The following PPARG variants were observed in gnomAD, a reference collection of about 807,000 sequenced individuals.
PPARG encodes peroxisome proliferator-activated receptor gamma.
Under a neutral mutation model 39.2 loss-of-function variants are expected in PPARG, and 17 were observed. That is an observed-to-expected ratio of 0.43 (90% CI 0.30 to 0.65). The LOEUF is 0.65. Among genes scored for constraint, PPARG ranks in the 30% least tolerant of loss-of-function variants. PPARG has a pLI of 0.13. For missense variants in PPARG, 406 were observed against 585.9 expected (o/e 0.69, Z 3.17); for synonymous variants, 223 against 215.7 (o/e 1.03, Z -0.30).
intron 2 of PPARG, among the ~76,000 whole-genome samples, chr3:12,368,790 A>C (rs985718975): frequency 3.9e-5 from 6 of 152,208 alleles, no homozygotes; most frequent in African/African-American, 1.4e-4. Context: ...AAAAGAAGTG[A>C]GTTGGTAGAA....
In PPARG at chr3:12,305,240, T is replaced by G. The variant is rs376957001; in HGVS notation, c.-82-7140T>G. 1.2e-4 allele frequency among the ~76,000 whole-genome samples: 19 copies of G among 152,212 alleles called. No homozygotes were observed. In the East Asian group the frequency reaches 2.1e-3, roughly 17 times the overall value. On this transcript the variant is annotated intron_variant, in intron 1 of 7. Coordinates refer to ENST00000651735, the MANE Select transcript of PPARG (RefSeq NM_138711.6). ...CCTTTGGTTGTCTCTGAGTGTAATA[T>G]GGAAGTGAAGTATATTTTTATCTAC...
chr3:12,299,939 T>G (rs1019207084), intron 1 of PPARG, among the ~76,000 whole-genome samples: 1 of 152,222 alleles, frequency 6.6e-6, no homozygotes, highest in Non-Finnish European at 1.5e-5. Context: ...TTACTTACTA[T>G]AGCTATTTTC....
intron 1 of PPARG, among the ~76,000 whole-genome samples, chr3:12,306,345 C>G (rs1335048143): frequency 1.3e-5 from 2 of 152,188 alleles, no homozygotes; most frequent in African/African-American, 4.8e-5. Context: ...CCACGTGGCC[C>G]AGTTCCTAAC....
rs113296907 is a variant in PPARG at position 12,322,597 on chromosome 3, A to T, written c.-9+10144A>T. On this transcript the variant is annotated intron_variant, in intron 2 of 7. Transcript: ENST00000651735. ...AACCCTTAAGTAAGGATGTGGATAC[A>T]TGAGAAGGAAGAAGCTGGAAATTTT... 1.4e-3 allele frequency among the ~76,000 whole-genome samples: 218 copies of T among 152,340 alleles called. 1 individual carries two copies. Among genetic ancestry groups the T allele is most frequent in the African/African-American group, 5.1e-3 (213 of 41,590 alleles).
intron 2 of PPARG, among the ~76,000 whole-genome samples, chr3:12,320,444 T>C (rs1430879173): frequency 2.0e-5 from 3 of 152,234 alleles, no homozygotes; most frequent in Admixed American, 1.3e-4. Flanking sequence ...TGCTAGAAAC[T>C]GATCTGTAGC....
chr3:12,322,507 A>G (rs923995743), intron 2 of PPARG, among the ~76,000 whole-genome samples: 2 of 152,226 alleles, frequency 1.3e-5, no homozygotes, highest in African/African-American at 4.8e-5. Context: ...AAGTTCAGAG[A>G]AGAAGATACA....
chr3:12,331,625 A>G (rs925174954), intron 2 of PPARG, among the ~76,000 whole-genome samples: 7 of 152,320 alleles, frequency 4.6e-5, no homozygotes, highest in African/African-American at 1.7e-4. Flanking sequence ...GTGGGAAGCT[A>G]TGGAAAGGTG....
intron 7 of PPARG, among the ~76,000 whole-genome samples, chr3:12,425,421 C>CT (rs1440505065): frequency 2.0e-5 from 3 of 152,150 alleles, no homozygotes; most frequent in African/African-American, 7.2e-5. Flanking sequence ...TACTGCCCTT[C>CT]ATGTGCTGTT....
intron 2 of PPARG, among the ~76,000 whole-genome samples, chr3:12,350,599 A>G (rs1448905901): frequency 6.6e-6 from 1 of 152,232 alleles, no homozygotes; most frequent in African/African-American, 2.4e-5. Flanking sequence ...TGGCACAGCT[A>G]GTATTTCTCC....
chr3:12,405,405 A>G (rs143918202), intron 5 of PPARG, among the ~76,000 whole-genome samples: 1 of 152,348 alleles, frequency 6.6e-6, no homozygotes, highest in African/African-American at 2.4e-5. Flanking sequence ...AACAAATCTT[A>G]TAAACTCCCT....
intron 2 of PPARG, among the ~76,000 whole-genome samples, chr3:12,320,541 A>ATACACACAC (rs1413563030): frequency 6.6e-6 from 1 of 152,228 alleles, no homozygotes; most frequent in Non-Finnish European, 1.5e-5. Flanking sequence ...ACTATAAGAA[A>ATACACACAC]TATAGGCCAG....
intron 2 of PPARG, among the ~76,000 whole-genome samples, chr3:12,350,203 G>A (rs1055906291): frequency 6.6e-6 from 1 of 152,190 alleles, no homozygotes; most frequent in African/African-American, 2.4e-5. Context: ...TGTAATCACT[G>A]TAGTCATTTG....
At chr3:12,351,833 A>C (rs2048498719) in intron 2 of PPARG, among the ~76,000 whole-genome samples, 1 of 152,196 alleles carries the variant, frequency 6.6e-6, no homozygotes, top group Non-Finnish European at 1.5e-5. Context: ...GCGTTCATTT[A>C]AAAACATGTT....
intron 2 of PPARG, among the ~76,000 whole-genome samples, chr3:12,375,582 T>C (rs2049377660): frequency 6.6e-6 from 1 of 152,224 alleles, no homozygotes; most frequent in Admixed American, 6.5e-5. Flanking sequence ...AAATAAGTTA[T>C]ACTAAGAAAA....
chr3:12,358,041 A>G (rs1438225654), intron 2 of PPARG, among the ~76,000 whole-genome samples: 1 of 152,236 alleles, frequency 6.6e-6, no homozygotes, highest in Non-Finnish European at 1.5e-5. Flanking sequence ...ACCAATGCTA[A>G]TATAAACAAA....
intron 2 of PPARG, chr3:12,351,507 G>C: frequency 1.9e-6 from 2 of 1,046,294 alleles, no homozygotes; most frequent in Non-Finnish European, 3.0e-6. Flanking sequence ...GTTACTTCAA[G>C]TCTTTTTCTT....
chr3:12,323,624 A>T (rs2047607909), intron 2 of PPARG, among the ~76,000 whole-genome samples: 1 of 152,186 alleles, frequency 6.6e-6, no homozygotes, highest in Non-Finnish European at 1.5e-5. Context: ...TATTGTGGTT[A>T]AATAACTTGC....
chr3:12,367,811 G>C (rs2049066074), intron 2 of PPARG, among the ~76,000 whole-genome samples: 2 of 151,964 alleles, frequency 1.3e-5, no homozygotes, highest in South Asian at 2.1e-4. Context: ...GGAGGTCGAG[G>C]CTTCAGTGAA....
At chr3:12,306,865 G>C (rs1249718727) in intron 1 of PPARG, among the ~76,000 whole-genome samples, 1 of 152,044 alleles carries the variant, frequency 6.6e-6, no homozygotes, top group Non-Finnish European at 1.5e-5. Context: ...TTGGGAGGCC[G>C]AGGCTGGTGG....
Sources: gnomAD v4.1 joint callset for allele counts (sites outside exome capture counted in the v4.1 genomes callset) on GRCh38, gnomAD v4.1.1 for gene constraint, MANE v1.5 for transcripts, NCBI Gene and HGNC (gene_info 2026-07-23, HGNC 2026-07-21) for gene names.